TNPO3: variants seen among roughly 807,000 people sequenced by gnomAD.
The protein encoded by TNPO3 is transportin-3.
A neutral mutation model predicts 122.8 loss-of-function variants in TNPO3; 65 were observed. That is an observed-to-expected ratio of 0.53 (90% confidence interval 0.43 to 0.65). The LOEUF (loss-of-function observed/expected upper bound fraction) is 0.65, where lower values mean the gene tolerates loss of function less well. TNPO3 is among the 30% of genes least tolerant of loss of function. The pLI is 0.00. For missense variants in TNPO3, 850 were observed against 1,136.7 expected, an observed-to-expected ratio of 0.75 and a Z score of 3.63; for synonymous variants, 372 against 411.2, an observed-to-expected ratio of 0.90 and a Z score of 1.15.
intron 1 of TNPO3, among the ~76,000 whole-genome samples, chr7:129,044,566 A>C (rs1807796774): frequency 6.6e-6 from 1 of 152,224 alleles, no homozygotes; most frequent in Non-Finnish European, 1.5e-5. Context: ...AAACACTACA[A>C]AACTATCCCT....
rs79342655 is a variant in TNPO3, at chr7:129,004,079, T to C, written c.696+937A>G. On this transcript the variant is annotated intron_variant, in intron 5 of 22. Transcript: ENST00000265388. Reference sequence around the variant, plus strand: ...CAGACAATGGCAAGCAAAACAATGATTGGCATCCTAATTTTCCTAAGGCTT... The same window carrying C: ...CAGACAATGGCAAGCAAAACAATGACTGGCATCCTAATTTTCCTAAGGCTT... 1.8e-3 allele frequency among the ~76,000 whole-genome samples: 270 copies of C among 152,312 alleles called. 2 individuals carry two copies. Among genetic ancestry groups the C allele is most frequent in the African/African-American group, 6.3e-3 (263 of 41,560 alleles).
chr7:129,034,425 G>A (rs1441632863), intron 1 of TNPO3, among the ~76,000 whole-genome samples: 4 of 152,056 alleles, frequency 2.6e-5, no homozygotes, highest in Non-Finnish European at 4.4e-5. Context: ...AGTACTGCTT[G>A]AGCCCAGGAT....
intron 1 of TNPO3, among the ~76,000 whole-genome samples, chr7:129,042,159 T>G (rs568464830): frequency 2.0e-4 from 31 of 152,292 alleles, no homozygotes; most frequent in Non-Finnish European, 4.0e-4. Flanking sequence ...AATACTTCAC[T>G]GAGTACCAAA....
chr7:129,054,481 A>G (rs1450757248), intron 1 of TNPO3, among the ~76,000 whole-genome samples, 170 bp downstream of exon 1: 1 of 152,182 alleles, frequency 6.6e-6, no homozygotes, highest in Non-Finnish European at 1.5e-5. Flanking sequence ...AGGTGCGACT[A>G]GTTTCCCAAA....
intron 13 of TNPO3, 54 bp from the exon 14 acceptor site, chr7:128,982,378 C>T: frequency 1.4e-6 from 2 of 1,461,706 alleles, no homozygotes; most frequent in South Asian, 2.3e-5. Context: ...AAATCTACAG[C>T]CAACACTGCA....
chr7:128,992,063 G>C lies in TNPO3; in HGVS notation c.1294C>G (p.Pro432Ala). The C allele has an allele frequency of 6.2e-7, 1 of 1,606,980 alleles. No homozygotes were observed. Among genetic ancestry groups the C allele is most frequent in the Non-Finnish European group, 8.5e-7 (1 of 1,176,628 alleles). Residue 432 changes from proline to alanine, a missense_variant, in exon 10 of 23, where the codon CCA becomes GCA. Physicochemically the swap from Pro to Ala is conservative, Grantham distance 27. Transcript: ENST00000265388. ...QLYSTLKEGNPPWEVTEAVLF... is the reference protein window; with the variant it reads ...QLYSTLKEGNAPWEVTEAVLF... ...ACCGCTTCTGTCACCTCCCAGGGTG[G>C]GTTGCCTTCTTTCAGAGTAGAATAT...
Position 129,005,114 on chromosome 7 carries a change from T to C in TNPO3, c.598A>G (p.Lys200Glu). 6.2e-7 allele frequency: 1 copy of C among 1,614,022 alleles called. No individual in the cohort carries two copies. Among genetic ancestry groups the C allele is most frequent in the African/African-American group, 1.3e-5 (1 of 75,050 alleles). The change falls in exon 5 of 23, where the codon AAG becomes GAG. Residue 200 changes from lysine (K) to glutamate (E), a missense_variant. Physicochemically the swap from Lys to Glu is moderately conservative, Grantham distance 56. Coordinates refer to ENST00000265388, the MANE Select transcript of TNPO3 (RefSeq NM_012470.4). ...CAACTTCCCAAACAGCGAAAAACCT[T>C]CATAAGCATTTTCTCATCTGTTCCT... ...KAGTDEKMLM[K>E]VFRCLGSWFN...
intron 5 of TNPO3, 42 bp downstream of exon 5, chr7:129,004,974 G>A: frequency 6.3e-7 from 1 of 1,580,766 alleles, no homozygotes; most frequent in African/African-American, 1.4e-5. Context: ...GTTACGAAAA[G>A]TGATTGGCAG....
At chr7:128,988,066 C>T (rs934235455) in intron 11 of TNPO3, among the ~76,000 whole-genome samples, 1 of 152,048 alleles carries the variant, frequency 6.6e-6, no homozygotes, top group East Asian at 1.9e-4. Context: ...CTCCGCCTCC[C>T]GGGTTCAAGT....
chr7:129,027,343 T>C (rs1248304511), intron 1 of TNPO3, among the ~76,000 whole-genome samples: 2 of 151,762 alleles, frequency 1.3e-5, no homozygotes, highest in East Asian at 1.9e-4. Context: ...GGCAGATCAC[T>C]TGAGATCAGG....
intron 11 of TNPO3, 59 bp from the exon 12 acceptor site, chr7:128,986,979 T>C: frequency 1.3e-6 from 2 of 1,508,214 alleles, no homozygotes; most frequent in Non-Finnish European, 1.8e-6. Context: ...ACTTCTAGTT[T>C]ATTAAAACAG....
chr7:129,015,096 C>T lies in TNPO3; in HGVS notation c.435G>A (p.Glu145=), dbSNP rs2150425721. The change falls in exon 4 of 23, where the codon GAG becomes GAA. Residue 145 remains glutamate (E), a synonymous_variant. Coordinates refer to ENST00000265388, the MANE Select transcript of TNPO3 (RefSeq NM_012470.4). ...CTTCTTCAGGTAACACTGTAAGGAT[C>T]TCCAGCAAAAAAGGCAAAGAAGTCA... ...NDVTSLPFLL[E]ILTVLPEEVH... is the part of the protein sequence containing the mutation. 1.9e-6 allele frequency: 3 copies of T among 1,610,096 alleles called. No homozygotes were observed. Among genetic ancestry groups the T allele is most frequent in the Non-Finnish European group, 2.5e-6 (3 of 1,179,190 alleles).
intron 20 of TNPO3, among the ~76,000 whole-genome samples, chr7:128,969,472 A>C (rs118129055): frequency 5.9e-5 from 9 of 151,824 alleles, no homozygotes; most frequent in African/African-American, 2.2e-4. Flanking sequence ...CTGCTTTTAC[A>C]GTAATATTAA....
At chr7:129,020,289 T>TTTAA (rs1210471640) in intron 1 of TNPO3, among the ~76,000 whole-genome samples, 1 of 152,164 alleles carries the variant, frequency 6.6e-6, no homozygotes, top group Non-Finnish European at 1.5e-5. Context: ...TCAACAAATG[T>TTTAA]TTAATTAATT....
At chr7:128,957,405 C>T (rs1277240705) in intron 21 of TNPO3, 90 bp from the exon 22 acceptor site, 9 of 1,311,626 alleles carry the variant, frequency 6.9e-6, no homozygotes, top group African/African-American at 2.9e-5. Context: ...CACTGAGAAC[C>T]GTCCCAACTC....
intron 1 of TNPO3, among the ~76,000 whole-genome samples, chr7:129,047,994 G>A (rs1378920434): frequency 6.6e-6 from 1 of 152,150 alleles, no homozygotes; most frequent in Non-Finnish European, 1.5e-5. Context: ...TCTGAGGTGA[G>A]AGAAGTGCTT....
In TNPO3 at chr7:128,982,256, C is replaced by A. The variant is rs775746067; in HGVS notation, c.1851G>T (p.Val617=). Residue 617 remains valine, a synonymous_variant, in exon 14 of 23, where the codon GTG becomes GTT. Coordinates refer to ENST00000265388, the MANE Select transcript of TNPO3 (RefSeq NM_012470.4). ...DPTVFLDRLA[V]IFRHTNPIVE... ...AGAGTCTCCTTTCTTACCTAAATAT[C>A]ACTGCAAGGCGATCTAAGAACACTG... is the stretch of plus-strand genomic sequence containing the variant. The A allele has an allele frequency of 3.7e-5, 60 of 1,612,648 alleles. No homozygotes were observed. The highest frequency in any genetic ancestry group is 4.8e-5 in the Non-Finnish European group (57 of 1,179,160).
At chr7:128,997,671 T>A in intron 7 of TNPO3, 136 bp from the exon 8 acceptor site, 1 of 745,730 alleles carries the variant, frequency 1.3e-6, no homozygotes, top group South Asian at 2.0e-5. Context: ...GAAGTCACCT[T>A]TTCTCTAGCA....
chr7:128,995,717 G>A (rs1801238449), intron 8 of TNPO3, among the ~76,000 whole-genome samples: 1 of 151,394 alleles, frequency 6.6e-6, no homozygotes, highest in Admixed American at 6.6e-5. Flanking sequence ...TTATTTTTTT[G>A]AGACTGAGTC....
Sources: allele counts gnomAD v4.1 joint callset (sites outside exome capture counted in the v4.1 genomes callset), GRCh38; gene constraint gnomAD v4.1.1; transcripts MANE v1.5; gene names NCBI Gene and HGNC (gene_info 2026-07-23, HGNC 2026-07-21).